CDH20: variants seen among roughly 807,000 people sequenced by gnomAD.
CDH20 encodes cadherin-20.
CDH20 carries 29 observed loss-of-function variants against 74.2 expected under a neutral mutation model. The ratio of observed to expected loss-of-function variants is 0.39; its 90% CI spans 0.29 to 0.53. The LOEUF (loss-of-function observed/expected upper bound fraction) is 0.53, where lower values mean the gene tolerates loss of function less well. Among genes scored for constraint, CDH20 ranks in the 20% least tolerant of loss-of-function variants. CDH20 has a pLI of 0.69. For synonymous variants in CDH20, 469 were observed against 405.4 expected (o/e 1.16, Z -1.88); for missense variants, 988 against 1,048.3 (o/e 0.94, Z 0.79).
In CDH20 at chr18:61,453,567, C is replaced by T. The variant is rs570847960; in HGVS notation, c.-152-36835C>T. Among the ~76,000 whole-genome samples, 4 of 152,322 alleles carry T rather than the reference C, an allele frequency of 2.6e-5. 1 individual carries two copies. In the South Asian group the frequency reaches 8.3e-4, roughly 32 times the overall value. ...GTGCTGAGATTACAGGCGTGAGCCACCACGCCCAGCCGATCTAACCTTTTC... is the reference window on the plus strand; with the variant it reads ...GTGCTGAGATTACAGGCGTGAGCCATCACGCCCAGCCGATCTAACCTTTTC... On this transcript the variant is annotated intron_variant, in intron 1 of 11. Coordinates refer to ENST00000262717, the MANE Select transcript of CDH20 (RefSeq NM_031891.4).
intron 2 of CDH20, among the ~76,000 whole-genome samples, chr18:61,493,132 G>A (rs1221481564): frequency 6.6e-6 from 1 of 152,116 alleles, no homozygotes; most frequent in Non-Finnish European, 1.5e-5. Context: ...CAAATCCCTT[G>A]GCCTCAAAAC....
chr18:61,477,641 G>C (rs57027537), intron 1 of CDH20, among the ~76,000 whole-genome samples: 1,923 of 152,142 alleles, frequency 0.013, 46 homozygotes, highest in African/African-American at 0.044. Context: ...GGCTTACACT[G>C]ATTTTTTGCT....
intron 7 of CDH20, among the ~76,000 whole-genome samples, chr18:61,534,839 T>G (rs1912766118): frequency 6.6e-6 from 1 of 152,206 alleles, no homozygotes; most frequent in African/African-American, 2.4e-5. Context: ...TTCATAATAA[T>G]GTATTGTATA....
chr18:61,447,985 A>G (rs185301033), intron 1 of CDH20, among the ~76,000 whole-genome samples: 12 of 152,302 alleles, frequency 7.9e-5, no homozygotes, highest in Admixed American at 6.5e-4. Context: ...CAAGGACTCA[A>G]TGCTGGTTTT....
chr18:61,338,951 G>GCCA (rs1909846625), intron 1 of CDH20, among the ~76,000 whole-genome samples: 1 of 151,920 alleles, frequency 6.6e-6, no homozygotes, highest in Non-Finnish European at 1.5e-5. Context: ...TTTTAATAAG[G>GCCA]AATATAAAAT....
intron 1 of CDH20, among the ~76,000 whole-genome samples, chr18:61,394,708 C>T (rs1448504859): frequency 2.0e-5 from 3 of 152,146 alleles, no homozygotes; most frequent in Non-Finnish European, 4.4e-5. Context: ...TGCTTTACCA[C>T]TTGCTGCCTC....
intron 1 of CDH20, among the ~76,000 whole-genome samples, chr18:61,380,748 G>A (rs746603265): frequency 1.3e-5 from 2 of 152,198 alleles, no homozygotes; most frequent in Admixed American, 6.5e-5. Flanking sequence ...GGCAGAGATT[G>A]CAGTGAGCCG....
chr18:61,357,720 C>T (rs58336109), intron 1 of CDH20, among the ~76,000 whole-genome samples: 13,259 of 152,080 alleles, frequency 0.087, 744 homozygotes, highest in African/African-American at 0.17. Flanking sequence ...GCTGTTGAAA[C>T]CCAACAAAAT....
intron 1 of CDH20, among the ~76,000 whole-genome samples, chr18:61,421,686 A>C (rs1209867548): frequency 1.3e-5 from 2 of 152,170 alleles, no homozygotes; most frequent in Non-Finnish European, 2.9e-5. Context: ...GGTGGTAGAT[A>C]TATATACCAA....
rs556194059 is a variant in CDH20 at position 61,454,309 on chromosome 18, A to G, written c.-152-36093A>G. On this transcript the variant is annotated intron_variant, in intron 1 of 11. Transcript: ENST00000262717. ...AACTCCACCTTAACACAGACAGTAG[A>G]GATACAGGAAGTTCTATTACATAAA... 2.0e-5 allele frequency among the ~76,000 whole-genome samples: 3 copies of G among 152,288 alleles called. No homozygotes were observed. The East Asian group carries it at 5.8e-4, about 29-fold the overall frequency.
At position 61,448,813 on chromosome 18, in the gene CDH20, A is replaced by G. The variant is rs541329906; in HGVS notation, c.-152-41589A>G. ...AAGAAGTGGATAGACTGTTGAAAGG[A>G]TTAAACTTTGGTTTAAACAAGATGA... is the stretch of plus-strand genomic sequence containing the variant. On this transcript the variant is annotated intron_variant, in intron 1 of 11. Transcript: ENST00000262717. Among the ~76,000 whole-genome samples, 62 of 152,310 alleles carry G rather than the reference A, an allele frequency of 4.1e-4. 1 individual carries two copies. The highest frequency in any genetic ancestry group is 1.3e-3 in the African/African-American group (56 of 41,572).
At chr18:61,496,721 C>G (rs1911178970) in intron 2 of CDH20, among the ~76,000 whole-genome samples, 1 of 152,196 alleles carries the variant, frequency 6.6e-6, no homozygotes, top group Non-Finnish European at 1.5e-5. Flanking sequence ...ATAAATAGAG[C>G]ACCTCGGAAC....
chr18:61,533,708 T>C (rs1353428506), intron 7 of CDH20, among the ~76,000 whole-genome samples: 2 of 152,254 alleles, frequency 1.3e-5, no homozygotes, highest in African/African-American at 4.8e-5. Flanking sequence ...ACCAACATTG[T>C]GGAGCTTTTC....
intron 6 of CDH20, among the ~76,000 whole-genome samples, chr18:61,515,346 GC>G (rs1186396051): frequency 6.6e-6 from 1 of 152,064 alleles, no homozygotes; most frequent in Non-Finnish European, 1.5e-5. Flanking sequence ...GCAATGCCTC[GC>G]CCTGCTTCGG....
intron 6 of CDH20, among the ~76,000 whole-genome samples, chr18:61,511,477 A>T (rs1194657319): frequency 2.6e-5 from 4 of 152,138 alleles, no homozygotes; most frequent in African/African-American, 9.7e-5. Context: ...AGCCACCGCA[A>T]CCAGCTTTAC....
intron 1 of CDH20, among the ~76,000 whole-genome samples, chr18:61,488,028 T>C (rs764830782): frequency 1.3e-4 from 20 of 151,828 alleles, no homozygotes; most frequent in Non-Finnish European, 2.6e-4. Flanking sequence ...AGGCAAAATA[T>C]AGGTAAGAAA....
At chr18:61,344,148 A>C (rs918270979) in intron 1 of CDH20, among the ~76,000 whole-genome samples, 1 of 152,216 alleles carries the variant, frequency 6.6e-6, no homozygotes, top group Admixed American at 6.5e-5. Flanking sequence ...TAACCCGCAA[A>C]GTCACTCAGA....
At chr18:61,507,645 A>G (rs1911621973) in intron 6 of CDH20, 85 bp downstream of exon 6, 1 of 911,020 alleles carries the variant, frequency 1.1e-6, no homozygotes, top group South Asian at 2.1e-5. Context: ...TATTATTGAT[A>G]TGCATTGCTT....
At chr18:61,538,102 T>C (rs1012432250) in intron 8 of CDH20, among the ~76,000 whole-genome samples, 1 of 152,208 alleles carries the variant, frequency 6.6e-6, no homozygotes, top group African/African-American at 2.4e-5. Flanking sequence ...GATATGGATT[T>C]GGTGTGTGTT....
Sources: gnomAD v4.1 joint callset for allele counts (sites outside exome capture counted in the v4.1 genomes callset) on GRCh38, gnomAD v4.1.1 for gene constraint, MANE v1.5 for transcripts, NCBI Gene and HGNC (gene_info 2026-07-23, HGNC 2026-07-21) for gene names.